Variants in ARL15 observed in about 807,000 individuals in gnomAD.
The protein encoded by ARL15 is ADP-ribosylation factor-like protein 15.
A neutral mutation model predicts 25.2 loss-of-function variants in ARL15; 19 were observed. That is an observed-to-expected ratio of 0.75 (90% CI 0.53 to 1.10). The LOEUF (loss-of-function observed/expected upper bound fraction) is 1.10. ARL15 is among the 50% of genes least tolerant of loss of function. The probability of loss-of-function intolerance (pLI) is 0.00; values close to 1 mark genes in which losing one functional copy is unlikely to be tolerated. For missense variants in ARL15, 220 were observed against 246.0 expected (o/e 0.89, Z 0.71); for synonymous variants, 94 against 86.8 (o/e 1.08, Z -0.46).
At chr5:54,057,258 A>T (rs1750907139) in intron 4 of ARL15, among the ~76,000 whole-genome samples, 1 of 152,196 alleles carries the variant, frequency 6.6e-6, no homozygotes, top group Non-Finnish European at 1.5e-5. Flanking sequence ...CTTATTTTAA[A>T]CTTTCTAGTA....
At chr5:53,978,780 C>A (rs1182505344) in intron 4 of ARL15, among the ~76,000 whole-genome samples, 1 of 151,926 alleles carries the variant, frequency 6.6e-6, no homozygotes, top group Non-Finnish European at 1.5e-5. Flanking sequence ...CCTCAAGATC[C>A]AACTTTTGTA....
At chr5:53,957,410 C>A (rs989264950) in intron 4 of ARL15, among the ~76,000 whole-genome samples, 10 of 151,530 alleles carry the variant, frequency 6.6e-5, no homozygotes, top group African/African-American at 1.9e-4. Flanking sequence ...CCCAGAAAAA[C>A]CAGCACCGAG....
chr5:54,103,516 AAAGAAT>A (rs2112185823), intron 4 of ARL15, among the ~76,000 whole-genome samples: 1 of 152,304 alleles, frequency 6.6e-6, no homozygotes, highest in East Asian at 1.9e-4. Context: ...TATTAAAGAA[AAAGAAT>A]GAGAGACTGT....
chr5:54,049,670 G>A (rs1442539263), intron 4 of ARL15, among the ~76,000 whole-genome samples: 3 of 151,750 alleles, frequency 2.0e-5, no homozygotes, highest in Admixed American at 6.6e-5. Context: ...ACACAATCTC[G>A]GCTCACTACA....
intron 3 of ARL15, among the ~76,000 whole-genome samples, chr5:54,150,034 G>A (rs1754020088): frequency 6.6e-6 from 1 of 152,156 alleles, no homozygotes; most frequent in South Asian, 2.1e-4. Flanking sequence ...ATGGATATCT[G>A]TTCTAGGCCT....
chr5:53,977,020 AAATTAT>A (rs1209183571), intron 4 of ARL15, among the ~76,000 whole-genome samples: 1 of 152,190 alleles, frequency 6.6e-6, no homozygotes, highest in East Asian at 1.9e-4. Context: ...TTTTATCTCC[AAATTAT>A]AATGTGAAAA....
At chr5:54,276,794 A>C (rs1757940578) in intron 1 of ARL15, among the ~76,000 whole-genome samples, 1 of 152,218 alleles carries the variant, frequency 6.6e-6, no homozygotes, top group South Asian at 2.1e-4. Flanking sequence ...AGATGTGATA[A>C]TGGAAGCAAA....
At chr5:54,143,889 T>A (rs1453932111) in intron 3 of ARL15, among the ~76,000 whole-genome samples, 1 of 152,050 alleles carries the variant, frequency 6.6e-6, no homozygotes, top group Non-Finnish European at 1.5e-5. Flanking sequence ...CATCCTATTT[T>A]TATTATCATG....
chr5:54,240,942 C>A (rs762290318), intron 1 of ARL15, among the ~76,000 whole-genome samples: 4 of 152,156 alleles, frequency 2.6e-5, no homozygotes, highest in Non-Finnish European at 4.4e-5. Flanking sequence ...TCTGATCCCA[C>A]GCATTTCAGA....
chr5:54,019,627 C>T (rs1054737752), intron 4 of ARL15, among the ~76,000 whole-genome samples: 4 of 152,176 alleles, frequency 2.6e-5, no homozygotes, highest in African/African-American at 9.6e-5. Flanking sequence ...AGATCTTCTG[C>T]ATATGCATAA....
intron 4 of ARL15, among the ~76,000 whole-genome samples, chr5:54,056,587 G>A (rs560075856): frequency 3.4e-5 from 5 of 149,212 alleles, no homozygotes; most frequent in South Asian, 4.2e-4. Context: ...CCAACATTGC[G>A]CCACTGCACT....
At chr5:53,973,370 T>C (rs1198419987) in intron 4 of ARL15, among the ~76,000 whole-genome samples, 2 of 151,722 alleles carry the variant, frequency 1.3e-5, no homozygotes, top group East Asian at 3.9e-4. Flanking sequence ...GGTCAGAAGT[T>C]CGAGACCAGC....
chr5:54,042,066 G>A (rs920163316), intron 4 of ARL15, among the ~76,000 whole-genome samples: 1 of 152,000 alleles, frequency 6.6e-6, no homozygotes, highest in African/African-American at 2.4e-5. Context: ...TGCCTCCTGG[G>A]TTCAAGCGAT....
intron 1 of ARL15, among the ~76,000 whole-genome samples, chr5:54,249,123 A>G (rs1290093447): frequency 6.6e-6 from 1 of 152,212 alleles, no homozygotes; most frequent in Non-Finnish European, 1.5e-5. Context: ...CCCAAAAATT[A>G]GAAGAAAAAT....
intron 4 of ARL15, among the ~76,000 whole-genome samples, chr5:54,020,376 T>G (rs1561191694): frequency 6.6e-6 from 1 of 151,778 alleles, no homozygotes; most frequent in African/African-American, 2.4e-5. Flanking sequence ...TCTCCCAGAG[T>G]GGGGGTATCA....
chr5:54,247,093 A>C (rs67009061), intron 1 of ARL15, among the ~76,000 whole-genome samples: 11,042 of 152,048 alleles, frequency 0.073, 544 homozygotes, highest in African/African-American at 0.13. Flanking sequence ...TTCTCCAAAA[A>C]TTTCTTTTGT....
chr5:53,914,643 A>G (rs3822502), intron 4 of ARL15, among the ~76,000 whole-genome samples: 3 of 152,036 alleles, frequency 2.0e-5, no homozygotes, highest in African/African-American at 7.2e-5. Flanking sequence ...AGACCCTCTC[A>G]CTCATCTTGG....
rs74858398 is a variant in ARL15 at position 54,274,581 on chromosome 5, T to C, written c.48+35851A>G. Among the ~76,000 whole-genome samples the C allele has an allele frequency of 4.3e-4, 65 of 152,264 alleles. No individual in the cohort carries two copies. The East Asian group carries it at 0.012, about 29-fold the overall frequency. On this transcript the variant is annotated intron_variant, in intron 1 of 4. Coordinates refer to ENST00000504924, the MANE Select transcript of ARL15 (RefSeq NM_019087.3). ...ATGTTCTCACTCTAATTGAGAACAT[T>C]ATTTTGCTTACTAAAGGTAAGAAAG...
chr5:54,091,209 C>T (rs940526110), intron 4 of ARL15, among the ~76,000 whole-genome samples: 1 of 152,066 alleles, frequency 6.6e-6, no homozygotes, highest in African/African-American at 2.4e-5. Context: ...CTAAATTGTG[C>T]TATTGAGAGG....
Sources: gnomAD v4.1 joint callset for allele counts (sites outside exome capture counted in the v4.1 genomes callset) on GRCh38, gnomAD v4.1.1 for gene constraint, MANE v1.5 for transcripts, NCBI Gene and HGNC (gene_info 2026-07-23, HGNC 2026-07-21) for gene names.